Variants in CDH7 observed in about 807,000 individuals in gnomAD.
CDH7 encodes cadherin-7.
CDH7 carries 25 observed loss-of-function variants against 71.8 expected under a neutral mutation model. The ratio of observed to expected loss-of-function variants is 0.35; its 90% CI spans 0.25 to 0.49. CDH7 has a LOEUF of 0.49. Among genes scored for constraint, CDH7 ranks in the 20% least tolerant of loss-of-function variants. The pLI is 0.99. For missense variants in CDH7, 862 were observed against 974.6 expected, an observed-to-expected ratio of 0.88 and a Z score of 1.54; for synonymous variants, 381 against 363.8, an observed-to-expected ratio of 1.05 and a Z score of -0.54.
At chr18:65,811,080 T>A (rs1911517141) in intron 3 of CDH7, among the ~76,000 whole-genome samples, 1 of 152,104 alleles carries the variant, frequency 6.6e-6, no homozygotes, top group African/African-American at 2.4e-5. Context: ...AGAGATGGGT[T>A]GATTATTATA....
chr18:65,792,185 CTTTTTT>C (rs71167149), intron 2 of CDH7, among the ~76,000 whole-genome samples: 33,066 of 103,608 alleles, frequency 0.32, 4,313 homozygotes, highest in Middle Eastern at 0.53. Context: ...TGCAGCCAGT[CTTTTTT>C]TTTTTTTTTT....
At chr18:65,784,010 G>A (rs895615148) in intron 2 of CDH7, among the ~76,000 whole-genome samples, 7 of 151,938 alleles carry the variant, frequency 4.6e-5, no homozygotes, top group African/African-American at 1.7e-4. Context: ...GGAGTGCAAT[G>A]GTGTGATCTC....
intron 1 of CDH7, among the ~76,000 whole-genome samples, chr18:65,756,940 A>G (rs1916045850): frequency 6.6e-6 from 1 of 152,132 alleles, no homozygotes; most frequent in South Asian, 2.1e-4. Flanking sequence ...GTGGCTGAAT[A>G]TGATGTATAC....
At position 65,887,282 on chromosome 18, in the gene CDH7, A is replaced by G. The variant is rs1312167485; in HGVS notation, c.*6388A>G. On this transcript the variant is annotated 3_prime_UTR_variant, in exon 12 of 12. Transcript: ENST00000397968. The stretch of plus-strand genomic sequence containing the variant: ...ATCAAGTTTTTTTATTATTATTATT[A>G]TACTTTAAGTTTTAGGGTACATGTG... 1 of 151,994 alleles carries G rather than the reference A, an allele frequency of 6.6e-6. No homozygotes were observed. Among genetic ancestry groups the G allele is most frequent in the African/African-American group, 2.4e-5 (1 of 41,398 alleles). The allele number at this position is 151,994 out of a possible 1,614,324, so 9.4% of individuals were successfully genotyped here. A position where few individuals can be genotyped will look rare whatever the true frequency, so the allele number is the denominator to read the frequency against.
chr18:65,863,560 G>T (rs1455570599), intron 11 of CDH7: 1 of 152,142 alleles, frequency 6.6e-6, no homozygotes, highest in East Asian at 1.9e-4. Flanking sequence ...CACTAGACTG[G>T]AGAATACATT....
chr18:65,794,135 G>C (rs139800076), intron 2 of CDH7, among the ~76,000 whole-genome samples: 4 of 151,312 alleles, frequency 2.6e-5, no homozygotes, highest in African/African-American at 4.9e-5. Context: ...CAGGATACTT[G>C]TTATGATAAA....
Position 65,880,706 on chromosome 18 carries a change from GCTC to G in CDH7, c.2176_2178del (p.Pro726del). The stretch of plus-strand genomic sequence containing the variant: ...AAAAGAAGCCGATGTTGATCCTGGT[GCTC>G]CTCCTTATGACTCCCTGCAGACATA... On this transcript the variant is annotated inframe_deletion, in exon 12 of 12. Coordinates refer to ENST00000397968, the MANE Select transcript of CDH7 (RefSeq NM_004361.5). The G allele has an allele frequency of 6.2e-7, 1 of 1,614,066 alleles. No individual in the cohort carries two copies. Among genetic ancestry groups the G allele is most frequent in the Non-Finnish European group, 8.5e-7 (1 of 1,179,970 alleles).
At position 65,824,905 on chromosome 18, in the gene CDH7, G is replaced by T. The variant is rs145943007; in HGVS notation, c.981+74G>T. On this transcript the variant is annotated intron_variant, in intron 6 of 11. Transcript: ENST00000397968. ...TTCTGTTTGATGGGAGAATGTACTA[G>T]ACAAACCGAATGGCCATATGGGACC... The T allele has an allele frequency of 3.4e-4, 345 of 1,009,150 alleles. 2 individuals carry two copies. The East Asian group carries it at 8.3e-3, about 24-fold the overall frequency. 62.5% of individuals were successfully genotyped at this position (1,009,150 alleles called of 1,614,324 possible).
intron 6 of CDH7, among the ~76,000 whole-genome samples, chr18:65,832,888 AT>A (rs1334479565): frequency 1.3e-5 from 2 of 151,962 alleles, no homozygotes; most frequent in East Asian, 1.9e-4. Flanking sequence ...TAAATATGGA[AT>A]TTTTTTCTAT....
intron 2 of CDH7, among the ~76,000 whole-genome samples, chr18:65,800,406 A>G (rs1911079431): frequency 6.6e-6 from 1 of 152,092 alleles, no homozygotes; most frequent in Non-Finnish European, 1.5e-5. Flanking sequence ...TAAATTCAAT[A>G]TACTTAAAAG....
At chr18:65,796,948 A>G (rs1003342315) in intron 2 of CDH7, among the ~76,000 whole-genome samples, 7 of 152,222 alleles carry the variant, frequency 4.6e-5, no homozygotes, top group African/African-American at 1.7e-4. Context: ...AACCTATTAC[A>G]GTTTAAAAAT....
chr18:65,864,411 T>TG (rs966592140), intron 11 of CDH7, among the ~76,000 whole-genome samples: 2 of 151,522 alleles, frequency 1.3e-5, no homozygotes, highest in African/African-American at 4.8e-5. Flanking sequence ...TGTTTTGTTT[T>TG]TTTTTTTTGC....
chr18:65,782,103 C>CTTTCTTTCTTTCT (rs1568182482), intron 2 of CDH7, among the ~76,000 whole-genome samples: 1 of 31,000 alleles, frequency 3.2e-5, no homozygotes, highest in Non-Finnish European at 5.2e-5. Context: ...TCCTTCCTTC[C>CTTTCTTTCTTTCT]TTCCTTCTTT....
chr18:65,782,794 C>G (rs1166655072), intron 2 of CDH7, among the ~76,000 whole-genome samples: 1 of 152,178 alleles, frequency 6.6e-6, no homozygotes, highest in Non-Finnish European at 1.5e-5. Context: ...CACACTATAA[C>G]TAATGCCTGG....
chr18:65,806,680 G>A (rs1022513256), intron 2 of CDH7, among the ~76,000 whole-genome samples: 14 of 150,784 alleles, frequency 9.3e-5, no homozygotes, highest in East Asian at 5.8e-4. Flanking sequence ...GTGTGTGTCC[G>A]TGAGTGTGCA....
chr18:65,764,889 C>T (rs530386864), intron 2 of CDH7, among the ~76,000 whole-genome samples: 1 of 152,126 alleles, frequency 6.6e-6, no homozygotes, highest in South Asian at 2.1e-4. Flanking sequence ...TTCCATAAAA[C>T]TCCTATAAGT....
At chr18:65,867,331 G>A (rs1206953928) in intron 11 of CDH7, among the ~76,000 whole-genome samples, 1 of 151,980 alleles carries the variant, frequency 6.6e-6, no homozygotes, top group Non-Finnish European at 1.5e-5. Flanking sequence ...CACCGTGCCC[G>A]GCCTGTATTC....
At chr18:65,812,050 C>A (rs1911562630) in intron 3 of CDH7, among the ~76,000 whole-genome samples, 1 of 137,754 alleles carries the variant, frequency 7.3e-6, no homozygotes, top group Admixed American at 8.0e-5. Context: ...CCTACTGCAA[C>A]CTCCACCTCC....
In CDH7 at chr18:65,767,475, A is replaced by G. The variant is rs868524669; in HGVS notation, c.210+4423A>G. Among the ~76,000 whole-genome samples the G allele has an allele frequency of 2.0e-5, 3 of 152,336 alleles. No individual in the cohort carries two copies. The South Asian group carries it at 6.2e-4, about 32-fold the overall frequency. On this transcript the variant is annotated intron_variant, in intron 2 of 11. Coordinates refer to ENST00000397968, the MANE Select transcript of CDH7 (RefSeq NM_004361.5). ...CCAAGTATGAGCGACAAGAAAGAGC[A>G]TAGTCATCATAGCAAAATCTACAGT... is the stretch of plus-strand genomic sequence containing the variant.
Sources: gnomAD v4.1 joint callset for allele counts (sites outside exome capture counted in the v4.1 genomes callset) on GRCh38, gnomAD v4.1.1 for gene constraint, MANE v1.5 for transcripts, NCBI Gene and HGNC (gene_info 2026-07-23, HGNC 2026-07-21) for gene names.